Variants in LOC128092253 observed in about 807,000 individuals in gnomAD.
chr6:133,958,882 A>G, the LOC128092253 span, among the ~76,000 whole-genome samples: 1 of 152,106 alleles, frequency 6.6e-6, no homozygotes, highest in Non-Finnish European at 1.5e-5. Flanking sequence ...GCTGGTTTTT[A>G]TAAGCTTCCA....
chr6:133,979,801 C>G, the LOC128092253 span, among the ~76,000 whole-genome samples: 1 of 152,000 alleles, frequency 6.6e-6, no homozygotes, highest in Non-Finnish European at 1.5e-5. Context: ...CATGCACCAT[C>G]ATGCCCGGCT....
At chr6:133,957,199 G>A in the LOC128092253 span, among the ~76,000 whole-genome samples, 10 of 152,126 alleles carry the variant, frequency 6.6e-5, no homozygotes, top group Admixed American at 2.6e-4. Flanking sequence ...TGATTTCTGG[G>A]GTAGTGGAGA....
chr6:133,954,744 C>A, the LOC128092253 span, among the ~76,000 whole-genome samples: 1 of 152,168 alleles, frequency 6.6e-6, no homozygotes, highest in Non-Finnish European at 1.5e-5. Context: ...TTTTGTTAAA[C>A]CTGACTTCTC....
At chr6:133,956,869 T>G in the LOC128092253 span, among the ~76,000 whole-genome samples, 3 of 152,230 alleles carry the variant, frequency 2.0e-5, no homozygotes, top group African/African-American at 7.2e-5. Context: ...TGACTACCAC[T>G]TTGGGAAATT....
At chr6:133,964,421 T>TTTTTG in the LOC128092253 span, among the ~76,000 whole-genome samples, 1 of 151,962 alleles carries the variant, frequency 6.6e-6, no homozygotes, top group Admixed American at 6.6e-5. Context: ...CTGTTTGTTT[T>TTTTTG]TTTTGTTTTG....
chr6:133,979,329 G>C, the LOC128092253 span, among the ~76,000 whole-genome samples: 1 of 152,148 alleles, frequency 6.6e-6, no homozygotes, highest in African/African-American at 2.4e-5. Context: ...CAGTTACTCT[G>C]CTTGAAATAG....
the LOC128092253 span, among the ~76,000 whole-genome samples, chr6:133,975,604 G>C: frequency 6.6e-6 from 1 of 152,046 alleles, no homozygotes; most frequent in Non-Finnish European, 1.5e-5. Flanking sequence ...ATACAAGAAA[G>C]GAAGAGTATA....
the LOC128092253 span, among the ~76,000 whole-genome samples, chr6:133,959,253 T>C: frequency 1.3e-5 from 2 of 152,156 alleles, no homozygotes; most frequent in African/African-American, 2.4e-5. Context: ...TTGGCCAGGC[T>C]AGCCTCGAAC....
chr6:133,974,266 A>C, the LOC128092253 span, among the ~76,000 whole-genome samples: 1 of 152,184 alleles, frequency 6.6e-6, no homozygotes, highest in Non-Finnish European at 1.5e-5. Context: ...GTTCCTTTTC[A>C]TTGGATGTGC....
At chr6:133,956,124 C>T in the LOC128092253 span, among the ~76,000 whole-genome samples, 7 of 152,022 alleles carry the variant, frequency 4.6e-5, no homozygotes, top group African/African-American at 1.7e-4. Flanking sequence ...GATTGATTTC[C>T]TTCTGTTTCA....
At chr6:133,966,225 A>G in the LOC128092253 span, among the ~76,000 whole-genome samples, 3 of 152,194 alleles carry the variant, frequency 2.0e-5, no homozygotes, top group Non-Finnish European at 4.4e-5. Flanking sequence ...GAACTACGCC[A>G]AGGCTGGGGT....
At chr6:133,974,102 A>G in the LOC128092253 span, among the ~76,000 whole-genome samples, 12 of 151,908 alleles carry the variant, frequency 7.9e-5, no homozygotes, top group Admixed American at 7.2e-4. Context: ...ATATGTAGAT[A>G]CATAAGCCAA....
At chr6:133,975,958 T>C in the LOC128092253 span, among the ~76,000 whole-genome samples, 1 of 152,220 alleles carries the variant, frequency 6.6e-6, no homozygotes, top group African/African-American at 2.4e-5. Context: ...TTAATAGCCT[T>C]GTGAGTTTAA....
the LOC128092253 span, among the ~76,000 whole-genome samples, chr6:133,966,465 T>C: frequency 6.6e-6 from 1 of 152,190 alleles, no homozygotes; most frequent in Non-Finnish European, 1.5e-5. Context: ...ATGATGGTTT[T>C]AATTACCTTC....
At chr6:133,956,030 A>T in the LOC128092253 span, among the ~76,000 whole-genome samples, 73 of 152,180 alleles carry the variant, frequency 4.8e-4, no homozygotes, top group African/African-American at 1.6e-3. Flanking sequence ...CACATTATTT[A>T]AAAAAATCAG....
chr6:133,959,335 C>G, the LOC128092253 span, among the ~76,000 whole-genome samples: 2 of 151,898 alleles, frequency 1.3e-5, no homozygotes, highest in African/African-American at 2.4e-5. Flanking sequence ...GCACGAGCCA[C>G]CATGCCTGGC....
At chr6:133,955,056 A>C in the LOC128092253 span, among the ~76,000 whole-genome samples, 1 of 152,216 alleles carries the variant, frequency 6.6e-6, no homozygotes, top group African/African-American at 2.4e-5. Context: ...GAAGAAAAAG[A>C]TAGATTAATG....
chr6:133,963,756 C>T, the LOC128092253 span, among the ~76,000 whole-genome samples: 53 of 151,468 alleles, frequency 3.5e-4, no homozygotes, highest in East Asian at 1.0e-3. Context: ...ACCGGCCTGG[C>T]GCGGTGGCTC....
chr6:133,955,271 G>A, the LOC128092253 span, among the ~76,000 whole-genome samples: 1 of 149,454 alleles, frequency 6.7e-6, no homozygotes, highest in African/African-American at 2.5e-5. Flanking sequence ...GTTTGAGTGA[G>A]GGTCAAGCCC....
Sources: gnomAD v4.1 joint callset for allele counts (sites outside exome capture counted in the v4.1 genomes callset) on GRCh38, gnomAD v4.1.1 for gene constraint, MANE v1.5 for transcripts.